Variants in CDKAL1 observed in about 807,000 individuals in gnomAD.
CDKAL1 encodes CDKAL1 threonylcarbamoyladenosine tRNA methylthiotransferase.
CDKAL1 carries 32 observed loss-of-function variants against 68.2 expected under a neutral mutation model. The ratio of observed to expected loss-of-function variants is 0.47; its 90% CI spans 0.35 to 0.63. The LOEUF is 0.63. Ranked by LOEUF, CDKAL1 falls within the 30% of genes least tolerant of loss-of-function variation. The pLI, the probability that CDKAL1 is intolerant of heterozygous loss-of-function variation, is 0.00. For synonymous variants in CDKAL1, 234 were observed against 244.3 expected (o/e 0.96, Z 0.39); for missense variants, 606 against 696.7 (o/e 0.87, Z 1.47).
chr6:21,027,889 A>AT (rs1769050050), intron 11 of CDKAL1, among the ~76,000 whole-genome samples: 1 of 151,034 alleles, frequency 6.6e-6, no homozygotes, highest in Admixed American at 6.6e-5. Context: ...AAACAGAATC[A>AT]TTTGGGATAA....
intron 15 of CDKAL1, among the ~76,000 whole-genome samples, chr6:21,225,351 G>C (rs947769021): frequency 2.0e-5 from 3 of 152,176 alleles, no homozygotes; most frequent in African/African-American, 7.2e-5. Flanking sequence ...AGCCCGGGGA[G>C]TAAGAGGTGC....
chr6:20,982,665 A>G (rs1220925717), intron 10 of CDKAL1, among the ~76,000 whole-genome samples: 1 of 152,068 alleles, frequency 6.6e-6, no homozygotes, highest in Non-Finnish European at 1.5e-5. Flanking sequence ...AACATTTCAA[A>G]ATGCTTCTGT....
chr6:21,068,122 T>C (rs886069928), intron 12 of CDKAL1, among the ~76,000 whole-genome samples: 2 of 152,224 alleles, frequency 1.3e-5, no homozygotes, highest in African/African-American at 4.8e-5. Context: ...TACAGCTCCT[T>C]GGCAGGTCAT....
At chr6:21,149,179 G>C (rs530097124) in intron 13 of CDKAL1, among the ~76,000 whole-genome samples, 1 of 151,428 alleles carries the variant, frequency 6.6e-6, no homozygotes, top group East Asian at 1.9e-4. Flanking sequence ...TCACTCTGTT[G>C]CCCAGGCTGG....
At chr6:20,715,526 A>T (rs1772049969) in intron 5 of CDKAL1, among the ~76,000 whole-genome samples, 1 of 152,168 alleles carries the variant, frequency 6.6e-6, no homozygotes, top group Admixed American at 6.5e-5. Context: ...GGAAGTGCAG[A>T]GATCTTTTAT....
At chr6:20,696,026 T>G (rs1394888446) in intron 5 of CDKAL1, among the ~76,000 whole-genome samples, 1 of 152,230 alleles carries the variant, frequency 6.6e-6, no homozygotes, top group Non-Finnish European at 1.5e-5. Context: ...TCAGTCGCCT[T>G]TCTATTTCAC....
At chr6:21,201,403 T>A in intron 15 of CDKAL1, 129 bp downstream of exon 15, 1 of 666,384 alleles carries the variant, frequency 1.5e-6, no homozygotes, top group South Asian at 4.0e-5. Flanking sequence ...CTTTAATCCT[T>A]TCTGACAGAT....
intron 5 of CDKAL1, among the ~76,000 whole-genome samples, chr6:20,721,542 T>A (rs968703396): frequency 1.3e-5 from 2 of 152,162 alleles, no homozygotes; most frequent in African/African-American, 4.8e-5. Context: ...CAGGTAGCCC[T>A]TTAATATGTT....
rs190141466 is a variant in CDKAL1, at chr6:21,080,246, A to G, written c.1236+15018A>G. Among the ~76,000 whole-genome samples the G allele has an allele frequency of 2.0e-5, 3 of 152,260 alleles. No individual in the cohort carries two copies. In the East Asian group the frequency reaches 5.8e-4, roughly 29 times the overall value. ...CTGTGTAGAGGGAAGTTTGCCAATG[A>G]TACCCTTGGGTTGTCTACCATCTTG... On this transcript the variant is annotated intron_variant, in intron 12 of 15. Transcript: ENST00000274695.
intron 10 of CDKAL1, among the ~76,000 whole-genome samples, chr6:20,994,678 A>C (rs1039560319): frequency 6.6e-6 from 1 of 152,236 alleles, no homozygotes; most frequent in Admixed American, 6.5e-5. Context: ...TGAATTTTTT[A>C]GTTTCCTAGT....
chr6:20,795,595 A>G (rs1408411476), intron 8 of CDKAL1, among the ~76,000 whole-genome samples: 1 of 152,214 alleles, frequency 6.6e-6, no homozygotes, highest in Admixed American at 6.5e-5. Flanking sequence ...AAGAAATGCC[A>G]TCATTGATTG....
At position 20,735,488 on chromosome 6, in the gene CDKAL1, A is replaced by C. The variant is rs1773148929; in HGVS notation, c.372-4031A>C. ...TACTATCATGAGAACAGCATGAGGGAAACGACTCCTATGATTCAGTTACCT... is the reference window on the plus strand; with the variant it reads ...TACTATCATGAGAACAGCATGAGGGCAACGACTCCTATGATTCAGTTACCT... On this transcript the variant is annotated intron_variant, in intron 5 of 15. Transcript: ENST00000274695. 3.3e-5 allele frequency among the ~76,000 whole-genome samples: 5 copies of C among 152,214 alleles called. No homozygotes were observed. In the South Asian group the frequency reaches 1.0e-3, roughly 32 times the overall value.
At chr6:20,765,551 T>G (rs1212128008) in intron 7 of CDKAL1, among the ~76,000 whole-genome samples, 1 of 152,220 alleles carries the variant, frequency 6.6e-6, no homozygotes, top group East Asian at 1.9e-4. Flanking sequence ...GGATTGCAGC[T>G]TTACTTATTT....
At chr6:20,619,954 C>T (rs895237422) in intron 4 of CDKAL1, among the ~76,000 whole-genome samples, 4 of 152,186 alleles carry the variant, frequency 2.6e-5, no homozygotes, top group Admixed American at 2.0e-4. Context: ...GGAAAGCTAA[C>T]TCACACCTCT....
At chr6:21,129,682 C>CAAAAA (rs34802727) in intron 13 of CDKAL1, among the ~76,000 whole-genome samples, 42 of 68,994 alleles carry the variant, frequency 6.1e-4, no homozygotes, top group African/African-American at 2.2e-3. Flanking sequence ...TGCAGTTTAC[C>CAAAAA]AAAAAAAAAA....
intron 13 of CDKAL1, among the ~76,000 whole-genome samples, chr6:21,134,160 C>G (rs951049982): frequency 2.0e-5 from 3 of 152,140 alleles, no homozygotes; most frequent in Non-Finnish European, 4.4e-5. Flanking sequence ...GAGGGGCCAG[C>G]AGAGGCCAGA....
At chr6:20,990,377 G>A (rs1383321260) in intron 10 of CDKAL1, among the ~76,000 whole-genome samples, 1 of 152,166 alleles carries the variant, frequency 6.6e-6, no homozygotes, top group Non-Finnish European at 1.5e-5. Context: ...ATAATGTAAA[G>A]CCTGATGATT....
chr6:21,106,251 A>G (rs1773837657), intron 12 of CDKAL1, among the ~76,000 whole-genome samples: 1 of 152,262 alleles, frequency 6.6e-6, no homozygotes, highest in South Asian at 2.1e-4. Flanking sequence ...AAACTTTGAA[A>G]AACTCCCTTT....
chr6:20,663,103 C>T (rs1005556604), intron 5 of CDKAL1, among the ~76,000 whole-genome samples: 6 of 152,096 alleles, frequency 3.9e-5, no homozygotes, highest in African/African-American at 1.4e-4. Context: ...CTGGATGTGC[C>T]GGCTGAGTCT....
Sources: allele counts gnomAD v4.1 joint callset (sites outside exome capture counted in the v4.1 genomes callset), GRCh38; gene constraint gnomAD v4.1.1; transcripts MANE v1.5; gene names NCBI Gene and HGNC (gene_info 2026-07-23, HGNC 2026-07-21).